The following PPFIA2 variants were observed in gnomAD, a reference collection of about 807,000 sequenced individuals.
PPFIA2 encodes the protein PPFI scaffold protein A2, also known as liprin-alpha-2.
A neutral mutation model predicts 175.5 loss-of-function variants in PPFIA2; 46 were observed. The ratio of observed to expected loss-of-function variants is 0.26; its 90% confidence interval spans 0.21 to 0.34. The LOEUF (loss-of-function observed/expected upper bound fraction) is 0.34. Among genes scored for constraint, PPFIA2 ranks in the 10% least tolerant of loss-of-function variants. PPFIA2 has a pLI of 1.00. For synonymous variants in PPFIA2, 568 were observed against 511.4 expected, an observed-to-expected ratio of 1.11 and a Z score of -1.49; for missense variants, 1,179 against 1,506.1, an observed-to-expected ratio of 0.78 and a Z score of 3.60.
chr12:81,509,964 A>G (rs532763101), intron 4 of PPFIA2, among the ~76,000 whole-genome samples: 29 of 152,296 alleles, frequency 1.9e-4, no homozygotes, highest in African/African-American at 7.0e-4. Context: ...AGAGGAGAAA[A>G]GAACACACAC....
At chr12:81,732,561 A>G (rs528594962) in intron 3 of PPFIA2, among the ~76,000 whole-genome samples, 4 of 150,670 alleles carry the variant, frequency 2.7e-5, no homozygotes, top group Non-Finnish European at 5.9e-5. Context: ...CCACTAGTTT[A>G]GTTACAAACA....
At chr12:81,327,465 G>T (rs1490739752) in intron 21 of PPFIA2, among the ~76,000 whole-genome samples, 1 of 151,912 alleles carries the variant, frequency 6.6e-6, no homozygotes, top group Non-Finnish European at 1.5e-5. Flanking sequence ...CTGTATATTT[G>T]CCTTACTGTA....
At position 81,321,010 on chromosome 12, in the gene PPFIA2, G is replaced by A. The variant is rs74496386; in HGVS notation, c.2642+4767C>T. The stretch of plus-strand genomic sequence containing the variant: ...AACATTTGAATAGACACCTACTTAC[G>A]GCATTTCTGAACACCAAAGATAAAG... On this transcript the variant is annotated intron_variant, in intron 22 of 32. Coordinates refer to ENST00000549396, the MANE Select transcript of PPFIA2 (RefSeq NM_003625.5). Among the ~76,000 whole-genome samples the A allele has an allele frequency of 9.2e-3, 1,381 of 150,906 alleles. 27 individuals carry two copies. Among genetic ancestry groups the A allele is most frequent in the African/African-American group, 0.031 (1,291 of 41,032 alleles).
chr12:81,699,375 T>C (rs1373907045), intron 3 of PPFIA2, among the ~76,000 whole-genome samples: 1 of 151,878 alleles, frequency 6.6e-6, no homozygotes, highest in African/African-American at 2.4e-5. Context: ...ATTTCAATAT[T>C]GTACAATTTT....
intron 7 of PPFIA2, among the ~76,000 whole-genome samples, chr12:81,410,128 T>A (rs1234138270): frequency 6.6e-6 from 1 of 152,154 alleles, no homozygotes; most frequent in East Asian, 1.9e-4. Flanking sequence ...TAGAAGGCAG[T>A]CCTTCCAAAT....
chr12:81,482,878 TTA>T (rs138791153), intron 4 of PPFIA2, among the ~76,000 whole-genome samples: 12,992 of 150,086 alleles, frequency 0.087, 641 homozygotes, highest in East Asian at 0.2. Context: ...ATCCCAGAAC[TTA>T]TATATATATA....
At chr12:81,461,934 C>A (rs1396375872) in intron 4 of PPFIA2, among the ~76,000 whole-genome samples, 1 of 151,848 alleles carries the variant, frequency 6.6e-6, no homozygotes, top group Non-Finnish European at 1.5e-5. Context: ...ACAGTACAAT[C>A]CTTTAAGGCA....
intron 4 of PPFIA2, among the ~76,000 whole-genome samples, chr12:81,555,956 A>G (rs548422552): frequency 1.3e-5 from 2 of 151,714 alleles, no homozygotes; most frequent in African/African-American, 2.4e-5. Context: ...AAAAATAGAG[A>G]CCCTTGGGGT....
intron 3 of PPFIA2, among the ~76,000 whole-genome samples, chr12:81,739,647 A>C (rs1169284241): frequency 6.6e-6 from 1 of 152,046 alleles, no homozygotes; most frequent in Non-Finnish European, 1.5e-5. Context: ...AAACTCTTAT[A>C]AGAATTAATA....
At chr12:81,488,941 A>G (rs1042934045) in intron 4 of PPFIA2, among the ~76,000 whole-genome samples, 1 of 151,882 alleles carries the variant, frequency 6.6e-6, no homozygotes, top group Non-Finnish European at 1.5e-5. Context: ...GTATACAATT[A>G]GGCACAGCGC....
intron 4 of PPFIA2, among the ~76,000 whole-genome samples, chr12:81,641,083 A>C (rs893059043): frequency 1.3e-5 from 2 of 152,142 alleles, no homozygotes; most frequent in African/African-American, 4.8e-5. Flanking sequence ...CATAACCTCA[A>C]ACGCTTTTCA....
chr12:81,579,768 C>T (rs2074120617), intron 4 of PPFIA2, among the ~76,000 whole-genome samples: 1 of 151,832 alleles, frequency 6.6e-6, no homozygotes, highest in South Asian at 2.1e-4. Context: ...ATAGACGGTA[C>T]CGTTTGTAGT....
intron 3 of PPFIA2, among the ~76,000 whole-genome samples, chr12:81,702,970 T>C (rs562965459): frequency 3.2e-4 from 48 of 152,190 alleles, no homozygotes; most frequent in African/African-American, 1.1e-3. Flanking sequence ...ATCTTGGACT[T>C]CCCAGCCTCT....
chr12:81,541,184 T>A (rs2066156597), intron 4 of PPFIA2, among the ~76,000 whole-genome samples: 3 of 152,126 alleles, frequency 2.0e-5, no homozygotes, highest in Admixed American at 1.3e-4. Flanking sequence ...ATAAAACTAT[T>A]TAGGCTGCTA....
At chr12:81,666,322 T>TGC (rs1401595341) in intron 4 of PPFIA2, among the ~76,000 whole-genome samples, 4 of 152,226 alleles carry the variant, frequency 2.6e-5, no homozygotes, top group Non-Finnish European at 5.9e-5. Flanking sequence ...GCATGTTTAT[T>TGC]GCAGCACTAT....
At position 81,580,467 on chromosome 12, in the gene PPFIA2, T is replaced by C. The variant is rs550301861; in HGVS notation, c.303+96324A>G. 3.1e-4 allele frequency among the ~76,000 whole-genome samples: 47 copies of C among 151,888 alleles called. 1 individual carries two copies. The East Asian group carries it at 8.0e-3, about 26-fold the overall frequency. ...TTGAATAGCACGGTATGGTTGAACA[T>C]CAAACAGATTGAAATGGAATATCTA... is the stretch of plus-strand genomic sequence containing the variant. On this transcript the variant is annotated intron_variant, in intron 4 of 32. Coordinates refer to ENST00000549396, the MANE Select transcript of PPFIA2 (RefSeq NM_003625.5).
chr12:81,695,577 C>A (rs2075803659), intron 3 of PPFIA2, among the ~76,000 whole-genome samples: 1 of 152,048 alleles, frequency 6.6e-6, no homozygotes, highest in African/African-American at 2.4e-5. Context: ...AACTTTTTTT[C>A]TTTGTAAATT....
chr12:81,550,911 C>T (rs550816239), intron 4 of PPFIA2, among the ~76,000 whole-genome samples: 3 of 151,842 alleles, frequency 2.0e-5, no homozygotes, highest in South Asian at 2.1e-4. Flanking sequence ...CAGGTGATAG[C>T]GCTTTCTTAG....
chr12:81,664,175 C>A (rs1187642073), intron 4 of PPFIA2, among the ~76,000 whole-genome samples: 1 of 152,056 alleles, frequency 6.6e-6, no homozygotes, highest in Non-Finnish European at 1.5e-5. Context: ...CAAAAGAAGC[C>A]AAAATTGGCA....
Sources: gnomAD v4.1 joint callset for allele counts (sites outside exome capture counted in the v4.1 genomes callset) on GRCh38, gnomAD v4.1.1 for gene constraint, MANE v1.5 for transcripts, NCBI Gene and HGNC (gene_info 2026-07-23, HGNC 2026-07-21) for gene names.